Variants in CECR2 observed in about 807,000 individuals in gnomAD.
CECR2 encodes the protein CECR2 histone acetyl-lysine reader.
A neutral mutation model predicts 154.5 loss-of-function variants in CECR2; 30 were observed. That is an observed-to-expected ratio of 0.19 (90% CI 0.15 to 0.26). The LOEUF (loss-of-function observed/expected upper bound fraction) is 0.26, where lower values mean the gene tolerates loss of function less well. Among genes scored for constraint, CECR2 ranks in the 10% least tolerant of loss-of-function variants. The pLI, the probability that CECR2 is intolerant of heterozygous loss-of-function variation, is 1.00. For synonymous variants in CECR2, 725 were observed against 683.7 expected, an observed-to-expected ratio of 1.06 and a Z score of -0.94; for missense variants, 1,743 against 1,829.3, an observed-to-expected ratio of 0.95 and a Z score of 0.86.
intron 4 of CECR2, among the ~76,000 whole-genome samples, chr22:17,500,122 A>G (rs994256487): frequency 6.6e-6 from 1 of 151,658 alleles, no homozygotes; most frequent in African/African-American, 2.4e-5. Flanking sequence ...GAGGCAGGAG[A>G]ATGGTGTGAA....
rs754190762 is a variant in CECR2 at position 17,542,853 on chromosome 22, C to G, written c.2710C>G (p.Pro904Ala). Residue 904 changes from proline (P) to alanine (A), a missense_variant, in exon 16 of 19, where the codon CCC becomes GCC. Physicochemically the swap from Pro to Ala is conservative, Grantham distance 27. Transcript: ENST00000262608. ...CTGCCCCCCAGGTGTGCCTTACCAC[C>G]CCCACCAGCCTGCACACCCCCGTTT... ...RVCPPGVPYH[P>A]HQPAHPRLPG... 1 of 1,613,396 alleles carries G rather than the reference C, an allele frequency of 6.2e-7. No individual in the cohort carries two copies.
At chr22:17,442,146 G>GA (rs1022506944) in intron 1 of CECR2, among the ~76,000 whole-genome samples, 2 of 131,190 alleles carry the variant, frequency 1.5e-5, no homozygotes, top group Admixed American at 7.2e-5. Context: ...GGGAAAGACA[G>GA]AAAAAACCGC....
chr22:17,517,991 T>TTA (rs199949557), intron 8 of CECR2, among the ~76,000 whole-genome samples: 2,601 of 152,274 alleles, frequency 0.017, 79 homozygotes, highest in African/African-American at 0.06. Flanking sequence ...ACTGGCCCAG[T>TTA]TAAGGGCTTT....
chr22:17,417,113 T>C (rs1343211768), intron 1 of CECR2, among the ~76,000 whole-genome samples: 1 of 152,172 alleles, frequency 6.6e-6, no homozygotes, highest in Non-Finnish European at 1.5e-5. Context: ...CCTCGTTAAT[T>C]CTTGAAGAAA....
chr22:17,534,068 C>T (rs1396615559), intron 9 of CECR2, among the ~76,000 whole-genome samples: 1 of 152,074 alleles, frequency 6.6e-6, no homozygotes. Flanking sequence ...ATCATTATGC[C>T]ACATAATGAG....
At chr22:17,424,320 C>G (rs2054299264) in intron 1 of CECR2, 1 of 157,664 alleles carries the variant, frequency 6.3e-6, no homozygotes, top group Admixed American at 6.5e-5. Flanking sequence ...ACTCTGTTAG[C>G]AGGCTCTGGG....
intron 13 of CECR2, among the ~76,000 whole-genome samples, 192 bp downstream of exon 13, chr22:17,539,311 A>G (rs1293269976): frequency 6.6e-6 from 1 of 152,200 alleles, no homozygotes; most frequent in Non-Finnish European, 1.5e-5. Context: ...CCACAGGACA[A>G]TAGAGTGCAG....
At chr22:17,538,587 G>A in intron 11 of CECR2, 30 bp downstream of exon 11, 1 of 1,613,478 alleles carries the variant, frequency 6.2e-7, no homozygotes, top group Non-Finnish European at 8.5e-7. Context: ...TGTTCTGTTT[G>A]TGATAGAAGT....
intron 1 of CECR2, chr22:17,476,983 C>A: frequency 1.7e-6 from 1 of 593,644 alleles, no homozygotes. Context: ...TTCACAGAGA[C>A]GTTACCTCAT....
intron 1 of CECR2, among the ~76,000 whole-genome samples, chr22:17,458,933 A>G (rs2054895268): frequency 6.6e-6 from 1 of 152,226 alleles, no homozygotes; most frequent in Non-Finnish European, 1.5e-5. Context: ...TTGTGAAGTT[A>G]GCACATTTAA....
intron 2 of CECR2, among the ~76,000 whole-genome samples, chr22:17,487,574 G>A (rs2522302): frequency 0.33 from 49,894 of 151,882 alleles, 8,504 homozygotes; most frequent in East Asian, 0.48. Flanking sequence ...GGTAGCGAGC[G>A]CCTGTAGTCC....
rs374914535 is a variant in CECR2 at position 17,542,419 on chromosome 22, T to C, written c.2276T>C (p.Met759Thr). The C allele has an allele frequency of 6.2e-6, 10 of 1,613,958 alleles. No individual in the cohort carries two copies. Among genetic ancestry groups the C allele is most frequent in the Non-Finnish European group, 8.5e-6 (10 of 1,179,888 alleles). The change falls in exon 16 of 19, where the codon ATG (methionine) becomes ACG (threonine). Residue 759 changes from methionine (M) to threonine (T), a missense_variant. Met to Thr is a moderately conservative substitution (Grantham distance 81). Coordinates refer to ENST00000262608, the MANE Select transcript of CECR2 (RefSeq NM_001290047.2). ...AGCTCAGAAATTCCTCCCAGCCATA[T>C]GTATCGATCGTACAAGTACCTGAAT... ...PESSEIPPSH[M>T]YRSYKYLNRV...
intron 1 of CECR2, among the ~76,000 whole-genome samples, chr22:17,449,541 G>A (rs2146694400): frequency 7.2e-6 from 1 of 138,272 alleles, no homozygotes; most frequent in African/African-American, 2.8e-5. Context: ...CCAGGCTGGA[G>A]TGCAGTGGCA....
At chr22:17,546,815 G>T (rs1219342224) in intron 16 of CECR2, among the ~76,000 whole-genome samples, 1 of 151,948 alleles carries the variant, frequency 6.6e-6, no homozygotes, top group East Asian at 1.9e-4. Flanking sequence ...GAGGCGGGTG[G>T]ATCACCTGAG....
At chr22:17,504,374 CA>C (rs928123122) in intron 6 of CECR2, among the ~76,000 whole-genome samples, 3 of 150,912 alleles carry the variant, frequency 2.0e-5, no homozygotes, top group African/African-American at 2.4e-5. Context: ...GACGTTGTCT[CA>C]AAAAAAATAA....
At chr22:17,375,837 C>T (rs1250704501) in intron 1 of CECR2, among the ~76,000 whole-genome samples, 1 of 151,926 alleles carries the variant, frequency 6.6e-6, no homozygotes, top group Non-Finnish European at 1.5e-5. Flanking sequence ...TGCCTGTAAT[C>T]CCAGCTACTT....
intron 1 of CECR2, among the ~76,000 whole-genome samples, chr22:17,415,336 C>G (rs1203277408): frequency 6.6e-6 from 1 of 152,168 alleles, no homozygotes; most frequent in Non-Finnish European, 1.5e-5. Context: ...CTCCCAGGCT[C>G]AAGCCATCCT....
At chr22:17,421,552 T>C (rs2054249828) in intron 1 of CECR2, among the ~76,000 whole-genome samples, 1 of 136,874 alleles carries the variant, frequency 7.3e-6, no homozygotes, top group African/African-American at 2.8e-5. Flanking sequence ...GAGGCGGAGC[T>C]TGCAGTGAGC....
intron 1 of CECR2, among the ~76,000 whole-genome samples, chr22:17,441,056 G>A (rs947436961): frequency 2.0e-5 from 3 of 152,036 alleles, no homozygotes; most frequent in African/African-American, 7.2e-5. Context: ...TCAAGTGATT[G>A]TCCTGCCACA....
Sources: gnomAD v4.1 joint callset for allele counts (sites outside exome capture counted in the v4.1 genomes callset) on GRCh38, gnomAD v4.1.1 for gene constraint, MANE v1.5 for transcripts, NCBI Gene and HGNC (gene_info 2026-07-23, HGNC 2026-07-21) for gene names.